ZAP70: variants seen among roughly 807,000 people sequenced by gnomAD.
ZAP70 encodes zeta chain of T cell receptor associated protein kinase 70.
ZAP70 carries 27 observed loss-of-function variants against 65.8 expected under a neutral mutation model. The ratio of observed to expected loss-of-function variants is 0.41; its 90% confidence interval spans 0.30 to 0.57. ZAP70 has a LOEUF of 0.57. Among genes scored for constraint, ZAP70 ranks in the 20% least tolerant of loss-of-function variants. The probability of loss-of-function intolerance (pLI) is 0.28; values close to 1 mark genes in which losing one functional copy is unlikely to be tolerated. For missense variants in ZAP70, 696 were observed against 870.5 expected, an observed-to-expected ratio of 0.80 and a Z score of 2.52; for synonymous variants, 363 against 360.8, an observed-to-expected ratio of 1.01 and a Z score of -0.07.
chr2:97,752,179 A>C, the ZAP70 span, among the ~76,000 whole-genome samples: 53 of 152,314 alleles, frequency 3.5e-4, 1 homozygote, highest in African/African-American at 1.1e-3. Flanking sequence ...ATTTGTATGG[A>C]GTCTACTTGG....
At position 97,737,934 on chromosome 2, in the gene ZAP70, G is replaced by C; in HGVS notation, c.1623+37G>C. On this transcript the variant is annotated intron_variant, in intron 12 of 13. Coordinates refer to ENST00000264972, the MANE Select transcript of ZAP70 (RefSeq NM_001079.4). The surrounding 1 kb of genome is among the most constrained non-coding windows in gnomAD (Gnocchi z 5.0). ...CAGAGGCAGGTGGGCGGTGTGGTGG[G>C]GAGGGGGATGAGGAGGAGGACACTG... 6.2e-7 allele frequency: 1 copy of C among 1,614,044 alleles called. No individual in the cohort carries two copies. The highest frequency in any genetic ancestry group is 8.5e-7 in the Non-Finnish European group (1 of 1,179,912).
At chr2:97,719,268 C>T (rs908079770) in intron 2 of ZAP70, among the ~76,000 whole-genome samples, 12 of 141,328 alleles carry the variant, frequency 8.5e-5, no homozygotes, top group Non-Finnish European at 1.2e-4. Context: ...CTCAGTCGGG[C>T]GAGAGATCTG....
At chr2:97,753,103 A>T in the ZAP70 span, among the ~76,000 whole-genome samples, 3 of 152,250 alleles carry the variant, frequency 2.0e-5, no homozygotes, top group Admixed American at 6.5e-5. Context: ...TTAGAGCCTT[A>T]AAGGAATGTG....
chr2:97,739,481 G>T lies in ZAP70; in HGVS notation c.1843G>T (p.Glu615Ter). 6.2e-7 allele frequency: 1 copy of T among 1,613,004 alleles called. No homozygotes were observed. Among genetic ancestry groups the T allele is most frequent in the Non-Finnish European group, 8.5e-7 (1 of 1,179,750 alleles). The change falls in exon 14 of 14, where the codon GAG becomes TAG. Residue 615 changes from glutamate (E) to a stop codon, truncating the protein, a stop_gained. Transcript: ENST00000264972. LOFTEE classifies it high-confidence loss of function. ...GCCCCCAGGCAGCACACAGAAGGCT[G>T]AGGCTGCCTGTGCCTGAGCTCCCGC... The part of the protein sequence containing the change: ...EGPPGSTQKA[E>*]AACA
At chr2:97,726,053 A>G (rs1677376984) in intron 4 of ZAP70, among the ~76,000 whole-genome samples, 1 of 152,164 alleles carries the variant, frequency 6.6e-6, no homozygotes. Flanking sequence ...TGTGGTTGAC[A>G]GCAGTACCTC....
the ZAP70 span, among the ~76,000 whole-genome samples, chr2:97,752,377 G>A: frequency 6.6e-6 from 1 of 152,206 alleles, no homozygotes; most frequent in Non-Finnish European, 1.5e-5. Context: ...ACATCATGAA[G>A]AATTTTTGTT....
chr2:97,719,617 G>A (rs1677085686), intron 2 of ZAP70, among the ~76,000 whole-genome samples: 1 of 152,084 alleles, frequency 6.6e-6, no homozygotes, highest in African/African-American at 2.4e-5. Flanking sequence ...GGACAGGAGT[G>A]TAGACAGCCC....
In ZAP70 at chr2:97,735,320, C is replaced by A. The variant is rs199944085; in HGVS notation, c.1153C>A (p.Arg385Ser). ...GAAGGCAGACACGGAAGAGATGATG[C>A]GCGAGGCGCAGATCATGCACCAGCT... ...TEKADTEEMM[R>S]EAQIMHQLDN... Residue 385 changes from arginine to serine, a missense_variant, in exon 10 of 14, where the codon CGC becomes AGC. Arg to Ser is a moderately radical substitution (Grantham distance 110). Around this residue, in one of 3 missense-constraint regions of ZAP70, gnomAD observed 551 missense variants for 630.0 expected, o/e 0.87. Coordinates refer to ENST00000264972, the MANE Select transcript of ZAP70 (RefSeq NM_001079.4). The A allele has an allele frequency of 1.9e-6, 3 of 1,614,134 alleles. No individual in the cohort carries two copies. The highest frequency in any genetic ancestry group is 1.7e-6 in the Non-Finnish European group (2 of 1,179,982).
At chr2:97,740,719 T>G (rs145992216), downstream of ZAP70, among the ~76,000 whole-genome samples, 2,680 of 152,268 alleles carry the variant, frequency 0.018, 83 homozygotes, top group African/African-American at 0.061. Flanking sequence ...CGAGGCCAGC[T>G]GGGGTCAATC....
intron 4 of ZAP70, among the ~76,000 whole-genome samples, chr2:97,729,841 C>T (rs564660022): frequency 1.3e-4 from 20 of 151,890 alleles, no homozygotes; most frequent in Middle Eastern, 3.4e-3. Flanking sequence ...TCTTTATGAA[C>T]TCACACATCT....
chr2:97,739,956 A>T (rs1201724625), downstream of ZAP70: 1 of 167,794 alleles, frequency 6.0e-6, no homozygotes, highest in Non-Finnish European at 1.3e-5. Context: ...GTGTGGACTG[A>T]GCCTGGAAGT....
At chr2:97,740,498 AT>A (rs1425832992), downstream of ZAP70, among the ~76,000 whole-genome samples, 1 of 152,190 alleles carries the variant, frequency 6.6e-6, no homozygotes, top group East Asian at 1.9e-4. Flanking sequence ...CAGTAAATGA[AT>A]TGTGGCTTTC....
chr2:97,735,464 C>T lies in ZAP70; in HGVS notation c.1289+8C>T. ...GTTCCTGGTCGGCAAGAGGTGAGCACCGGGTGGGCCCGGCCATCGGGTGGG... is the reference window on the plus strand; with the variant it reads ...GTTCCTGGTCGGCAAGAGGTGAGCATCGGGTGGGCCCGGCCATCGGGTGGG... On this transcript the variant is annotated splice_region_variant and intron_variant, in intron 10 of 13. Coordinates refer to ENST00000264972, the MANE Select transcript of ZAP70 (RefSeq NM_001079.4). 6.2e-7 allele frequency: 1 copy of T among 1,604,998 alleles called. No homozygotes were observed. Among genetic ancestry groups the T allele is most frequent in the South Asian group, 1.1e-5 (1 of 90,838 alleles).
At chr2:97,740,420 G>C (rs1482540697), downstream of ZAP70, among the ~76,000 whole-genome samples, 1 of 152,184 alleles carries the variant, frequency 6.6e-6, no homozygotes, top group East Asian at 1.9e-4. Context: ...TGGTTTGCAG[G>C]TAGTTCAGTT....
At chr2:97,734,375 G>C in intron 8 of ZAP70, 145 bp from the exon 9 acceptor site, 13 of 1,441,598 alleles carry the variant, frequency 9.0e-6, no homozygotes, top group Non-Finnish European at 1.2e-5. Flanking sequence ...GTGTGGATGT[G>C]CAGGAACACG....
At chr2:97,724,616 G>C in intron 3 of ZAP70, 178 bp downstream of exon 3, 2 of 1,533,696 alleles carry the variant, frequency 1.3e-6, no homozygotes, top group Non-Finnish European at 1.7e-6. Context: ...AGAGGCAGGG[G>C]CTCCGTGGTG....
chr2:97,737,357 C>T lies in ZAP70; in HGVS notation c.1290-116C>T, dbSNP rs1240651316. The stretch of plus-strand genomic sequence containing the variant: ...TGGCACACAGCAGGTGCTCAATAAG[C>T]GTTTTTGAACACATGGTCACCTGGC... On this transcript the variant is annotated intron_variant, in intron 10 of 13. Coordinates refer to ENST00000264972, the MANE Select transcript of ZAP70 (RefSeq NM_001079.4). The surrounding 1 kb of genome is among the most constrained non-coding windows in gnomAD (Gnocchi z 5.0). 1.2e-5 allele frequency: 13 copies of T among 1,090,278 alleles called. No individual in the cohort carries two copies. The highest frequency in any genetic ancestry group is 1.7e-5 in the Non-Finnish European group (12 of 725,100). The allele number at this position is 1,090,278 out of a possible 1,614,324, so 67.5% of individuals were successfully genotyped here.
chr2:97,728,333 C>A (rs948952462), intron 4 of ZAP70, among the ~76,000 whole-genome samples: 4 of 152,178 alleles, frequency 2.6e-5, no homozygotes, highest in African/African-American at 9.7e-5. Context: ...CAGCATAGAG[C>A]GTGTGGCTGG....
rs1338423314 is a variant in ZAP70 at position 97,736,183 on chromosome 2, T to A, written c.1289+727T>A. On this transcript the variant is annotated intron_variant, in intron 10 of 13. Coordinates refer to ENST00000264972, the MANE Select transcript of ZAP70 (RefSeq NM_001079.4). The surrounding 1 kb of genome is among the most constrained non-coding windows in gnomAD (Gnocchi z 4.0). ...GCGTGGTTTTCTATTTTTAATTTTT[T>A]TTTTTTTAAAGAAACAAAAACGAAG... is the stretch of plus-strand genomic sequence containing the variant. 6.6e-6 allele frequency among the ~76,000 whole-genome samples: 1 copy of A among 152,142 alleles called. No homozygotes were observed. The highest frequency in any genetic ancestry group is 2.4e-5 in the African/African-American group (1 of 41,436).
Sources: allele counts gnomAD v4.1 joint callset (sites outside exome capture counted in the v4.1 genomes callset), GRCh38; gene constraint gnomAD v4.1.1; regional missense constraint gnomAD v4.1.1; non-coding constraint Gnocchi (gnomAD v3.1); transcripts MANE v1.5; gene names NCBI Gene and HGNC (gene_info 2026-07-23, HGNC 2026-07-21).